The following KIAA0319 variants were observed in gnomAD, a reference collection of about 807,000 sequenced individuals.
KIAA0319 encodes the protein dyslexia-associated protein KIAA0319.
In KIAA0319, 83 loss-of-function variants were observed where a neutral mutation model predicts 108.4. The ratio of observed to expected loss-of-function variants is 0.77; its 90% confidence interval spans 0.64 to 0.92. The LOEUF (loss-of-function observed/expected upper bound fraction) is 0.92, where lower values mean the gene tolerates loss of function less well. KIAA0319 is among the 40% of genes least tolerant of loss of function. The pLI is 0.00. For synonymous variants in KIAA0319, 484 were observed against 510.4 expected, an observed-to-expected ratio of 0.95 and a Z score of 0.70; for missense variants, 1,195 against 1,322.4, an observed-to-expected ratio of 0.90 and a Z score of 1.49.
Position 24,568,963 on chromosome 6 carries a change from G to A in KIAA0319, c.1992-34C>T, listed in dbSNP as rs532584121. 16 of 1,604,506 alleles carry A rather than the reference G, an allele frequency of 1.0e-5. No homozygotes were observed. The African/African-American group carries it at 1.9e-4, about 19-fold the overall frequency. ...CATAGAAGTGGTTAACATAAGGGAG[G>A]GGGCATGGGGTTTTGAATATGACAG... is the stretch of plus-strand genomic sequence containing the variant. On this transcript the variant is annotated intron_variant, in intron 12 of 20. Coordinates refer to ENST00000378214, the MANE Select transcript of KIAA0319 (RefSeq NM_014809.4).
chr6:24,614,763 A>G, intron 1 of KIAA0319, among the ~76,000 whole-genome samples: 2 of 152,268 alleles, frequency 1.3e-5, no homozygotes, highest in East Asian at 1.9e-4. Context: ...AAAGCAATAA[A>G]TATTTATTAT....
chr6:24,565,574 G>A (rs1411866045), intron 14 of KIAA0319, among the ~76,000 whole-genome samples: 2 of 151,912 alleles, frequency 1.3e-5, no homozygotes, highest in Non-Finnish European at 2.9e-5. Context: ...CCAACATGGT[G>A]AAACCCCATC....
chr6:24,551,906 A>G (rs1452280300), intron 19 of KIAA0319, among the ~76,000 whole-genome samples: 2 of 152,220 alleles, frequency 1.3e-5, no homozygotes, highest in African/African-American at 2.4e-5. Context: ...TGCTATGTCC[A>G]ATGCTGCAGT....
At chr6:24,543,120 C>T (rs187591352), downstream of KIAA0319, among the ~76,000 whole-genome samples, 70 of 152,284 alleles carry the variant, frequency 4.6e-4, no homozygotes, top group African/African-American at 1.5e-3. Context: ...CTTCAAATTC[C>T]TTTTCAGAGA....
intron 1 of KIAA0319, among the ~76,000 whole-genome samples, chr6:24,604,846 GTTT>G (rs1335226688): frequency 2.6e-5 from 4 of 151,894 alleles, no homozygotes; most frequent in Non-Finnish European, 4.4e-5. Context: ...TTTTGTTTTC[GTTT>G]TTTATTTTGG....
chr6:24,584,753 TATTTA>T, intron 4 of KIAA0319, among the ~76,000 whole-genome samples: 1 of 152,362 alleles, frequency 6.6e-6, no homozygotes, highest in African/African-American at 2.4e-5. Context: ...GGTCCACCAA[TATTTA>T]ATTTAAATGT....
Position 24,568,822 on chromosome 6 carries a change from C to A in KIAA0319, c.2099G>T (p.Gly700Val). 1 of 1,614,194 alleles carries A rather than the reference C, an allele frequency of 6.2e-7. No homozygotes were observed. Among genetic ancestry groups the A allele is most frequent in the Non-Finnish European group, 8.5e-7 (1 of 1,180,024 alleles). The change falls in exon 13 of 21, where the codon GGA (glycine) becomes GTA (valine). Residue 700 changes from glycine (G) to valine (V), a missense_variant. By Grantham distance (109) the Gly-to-Val change is moderately radical. Transcript: ENST00000378214. ...AGTGAGGGTGGACGTGCTGCTCAGTCCCTGCTGGTCTTTCACTGTCAAACG... is the reference window on the plus strand; with the variant it reads ...AGTGAGGGTGGACGTGCTGCTCAGTACCTGCTGGTCTTTCACTGTCAAACG... ...HFRLTVKDQQ[G>V]LSSTSTLTVA...
At chr6:24,542,371 T>C (rs1004758078), downstream of KIAA0319, among the ~76,000 whole-genome samples, 8 of 152,192 alleles carry the variant, frequency 5.3e-5, no homozygotes, top group Non-Finnish European at 1.0e-4. Context: ...TGAACAAATA[T>C]GAACTTGAAA....
intron 2 of KIAA0319, 112 bp downstream of exon 2, chr6:24,600,936 AT>A (rs1321578739): frequency 2.2e-6 from 3 of 1,374,184 alleles, no homozygotes; most frequent in Non-Finnish European, 3.1e-6. Flanking sequence ...CTGTAAAATA[AT>A]TCTATTGAAA....
chr6:24,620,150 G>A (rs1170693891), intron 1 of KIAA0319, among the ~76,000 whole-genome samples: 1 of 152,166 alleles, frequency 6.6e-6, no homozygotes, highest in African/African-American at 2.4e-5. Flanking sequence ...AAAAAAGTAT[G>A]CAAAACTGCT....
At chr6:24,644,557 GTGAGGAC>G (rs1415584771) in intron 1 of KIAA0319, among the ~76,000 whole-genome samples, 1 of 151,566 alleles carries the variant, frequency 6.6e-6, no homozygotes, top group Non-Finnish European at 1.5e-5. Flanking sequence ...AGAATGTTAA[GTGAGGAC>G]TTACTGTATT....
intron 9 of KIAA0319, among the ~76,000 whole-genome samples, chr6:24,576,947 A>G (rs1765637331): frequency 6.6e-6 from 1 of 152,004 alleles, no homozygotes; most frequent in South Asian, 2.1e-4. Flanking sequence ...AAAAAAAAAG[A>G]AAAAAAGTAG....
intron 19 of KIAA0319, among the ~76,000 whole-genome samples, chr6:24,553,294 TAC>T (rs71544276): frequency 0.29 from 25,901 of 89,812 alleles, 3,570 homozygotes; most frequent in Non-Finnish European, 0.38. Context: ...TATATATATA[TAC>T]ACACACACAC....
At position 24,547,054 on chromosome 6, in the gene KIAA0319, A is replaced by C. The variant is rs1266435621; in HGVS notation, c.*111T>G. ...GTACGTGGGGATACACATCTAACCC[A>C]CTGGGGAAGAAGGTCAATGAACTAT... On this transcript the variant is annotated 3_prime_UTR_variant, in exon 21 of 21. Transcript: ENST00000378214. 1 of 1,165,154 alleles carries C rather than the reference A, an allele frequency of 8.6e-7. No homozygotes were observed. The highest frequency in any genetic ancestry group is 1.2e-6 in the Non-Finnish European group (1 of 801,802). 72.2% of individuals were successfully genotyped at this position (1,165,154 alleles called of 1,614,324 possible).
At chr6:24,550,544 T>C (rs1399763171) in intron 20 of KIAA0319, among the ~76,000 whole-genome samples, 1 of 152,236 alleles carries the variant, frequency 6.6e-6, no homozygotes, top group African/African-American at 2.4e-5. Context: ...CAGGTGCTCC[T>C]AAGCATAGGG....
chr6:24,645,902 C>T lies in KIAA0319; in HGVS notation c.-272G>A. 1 of 153,754 alleles carries T rather than the reference C, an allele frequency of 6.5e-6. No individual in the cohort carries two copies. Among genetic ancestry groups the T allele is most frequent in the Admixed American group, 6.6e-5 (1 of 15,260 alleles). 9.5% of individuals were successfully genotyped at this position (153,754 alleles called of 1,614,324 possible). A position where few individuals can be genotyped will look rare whatever the true frequency, so the allele number is the denominator to read the frequency against. On this transcript the variant is annotated 5_prime_UTR_variant, in exon 1 of 21. Transcript: ENST00000378214. ...ACACACACACACGTTCACACCCTCGCGCGCGCACCTGCTGTTAAGAGGTAC... is the reference window on the plus strand; with the variant it reads ...ACACACACACACGTTCACACCCTCGTGCGCGCACCTGCTGTTAAGAGGTAC...
At chr6:24,618,466 T>C (rs917569592) in intron 1 of KIAA0319, among the ~76,000 whole-genome samples, 9 of 151,524 alleles carry the variant, frequency 5.9e-5, no homozygotes, top group African/African-American at 2.2e-4. Context: ...AAAAAAAAAT[T>C]AGCCAGGCAT....
chr6:24,641,406 C>T (rs921830410), intron 1 of KIAA0319, among the ~76,000 whole-genome samples: 8 of 152,140 alleles, frequency 5.3e-5, no homozygotes, highest in African/African-American at 9.7e-5. Flanking sequence ...ATACCACTTG[C>T]GAACCAAAAG....
At chr6:24,541,811 TAGCCCACAACACTGA>T (rs1316655474), downstream of KIAA0319, among the ~76,000 whole-genome samples, 1 of 151,970 alleles carries the variant, frequency 6.6e-6, no homozygotes, top group Non-Finnish European at 1.5e-5. Flanking sequence ...AATAATAATT[TAGCCCACAACACTGA>T]AGGAATATTT....
Sources: gnomAD v4.1 joint callset for allele counts (sites outside exome capture counted in the v4.1 genomes callset) on GRCh38, gnomAD v4.1.1 for gene constraint, MANE v1.5 for transcripts, NCBI Gene and HGNC (gene_info 2026-07-23, HGNC 2026-07-21) for gene names.